The following STAG3 variants were observed in gnomAD, a reference collection of about 807,000 sequenced individuals.
The protein encoded by STAG3 is cohesin subunit SA-3.
A neutral mutation model predicts 160.7 loss-of-function variants in STAG3; 101 were observed. That is an observed-to-expected ratio of 0.63 (90% confidence interval 0.54 to 0.74). The LOEUF (loss-of-function observed/expected upper bound fraction) is 0.74, where lower values mean the gene tolerates loss of function less well. Among genes scored for constraint, STAG3 ranks in the 30% least tolerant of loss-of-function variants. The pLI, the probability that STAG3 is intolerant of heterozygous loss-of-function variation, is 0.00. For synonymous variants in STAG3, 519 were observed against 585.0 expected (o/e 0.89, Z 1.63); for missense variants, 1,188 against 1,517.4 (o/e 0.78, Z 3.61).
chr7:100,198,660 G>C, intron 13 of STAG3, 78 bp downstream of exon 13: 1 of 1,421,002 alleles, frequency 7.0e-7, no homozygotes, highest in Non-Finnish European at 9.9e-7. Flanking sequence ...CCCTACCTAA[G>C]GCTTCCCCAT....
chr7:100,194,368 A>G (rs1800547598), intron 8 of STAG3, among the ~76,000 whole-genome samples: 1 of 152,250 alleles, frequency 6.6e-6, no homozygotes, highest in Admixed American at 6.5e-5. Context: ...CAAGGAATGA[A>G]TAGGGAGGCC....
Position 100,188,506 on chromosome 7 carries a change from C to A in STAG3, c.487C>A (p.His163Asn). Residue 163 changes from histidine (H) to asparagine (N), a missense_variant, in exon 6 of 34, where the codon CAC becomes AAC. His to Asn is a moderately conservative substitution (Grantham distance 68). Around this residue, in one of 4 missense-constraint regions of STAG3, gnomAD observed 296 missense variants for 404.0 expected, o/e 0.73. Transcript: ENST00000615138. Reference protein sequence around the residue: ...KKMSNSEIIQHLTEQFNEDSG... With the variant: ...KKMSNSEIIQNLTEQFNEDSG... ...GATGTCCAACTCAGAGATCATCCAG[C>A]ACCTAACAGAGCAGTTTAATGAGGT... 6.2e-7 allele frequency: 1 copy of A among 1,613,542 alleles called. No homozygotes were observed. The highest frequency in any genetic ancestry group is 8.5e-7 in the Non-Finnish European group (1 of 1,179,430).
At chr7:100,200,740 G>A (rs1562986241) in intron 18 of STAG3, 29 bp from the exon 19 acceptor site, 1 of 1,611,670 alleles carries the variant, frequency 6.2e-7, no homozygotes, top group Non-Finnish European at 8.5e-7. Context: ...CATCCCCACA[G>A]CACACCATCT....
At chr7:100,179,851 T>G (rs1256000787) in intron 1 of STAG3, among the ~76,000 whole-genome samples, 1 of 152,216 alleles carries the variant, frequency 6.6e-6, no homozygotes, top group African/African-American at 2.4e-5. Context: ...TTCTCCTGCC[T>G]CAGCCTCCCA....
chr7:100,182,383 C>T (rs1370156078), intron 3 of STAG3, among the ~76,000 whole-genome samples, 191 bp downstream of exon 3: 1 of 151,300 alleles, frequency 6.6e-6, no homozygotes, highest in Non-Finnish European at 1.5e-5. Context: ...AAAAGAAAAC[C>T]TAAAAGAGGT....
downstream of STAG3, among the ~76,000 whole-genome samples, chr7:100,216,152 C>T (rs1400567924): frequency 1.3e-5 from 2 of 152,122 alleles, no homozygotes; most frequent in African/African-American, 4.8e-5. Flanking sequence ...CTTTTCTGTG[C>T]ACTTTCCAAA....
At chr7:100,201,735 C>T in intron 21 of STAG3, 51 bp from the exon 22 acceptor site, 2 of 1,499,922 alleles carry the variant, frequency 1.3e-6, no homozygotes, top group Non-Finnish European at 1.9e-6. Flanking sequence ...GGCTATCTGT[C>T]TCTCCCTCTC....
At chr7:100,214,575 GAGT>G (rs904488970), downstream of STAG3, among the ~76,000 whole-genome samples, 14 of 152,042 alleles carry the variant, frequency 9.2e-5, no homozygotes, top group African/African-American at 3.4e-4. Context: ...GACTGCCTGT[GAGT>G]AGTTTATCTA....
Position 100,198,095 on chromosome 7 carries a change from G to A in STAG3, c.1173G>A (p.Met391Ile), listed in dbSNP as rs1800809264. 1 of 1,613,956 alleles carries A rather than the reference G, an allele frequency of 6.2e-7. No homozygotes were observed. Among genetic ancestry groups the A allele is most frequent in the East Asian group, 2.2e-5 (1 of 44,888 alleles). Residue 391 changes from methionine to isoleucine, a missense_variant, in exon 12 of 34, where the codon ATG becomes ATA. Physicochemically the swap from Met to Ile is conservative, Grantham distance 10. Coordinates refer to ENST00000615138, the MANE Select transcript of STAG3 (RefSeq NM_001282717.2). The stretch of plus-strand genomic sequence containing the variant: ...CTTTCTCCTTTCTGCAGGACCGGAT[G>A]GTTTCCATGGTCATGGACAGAGAGT... ...ELFTSRFKDRMVSMVMDREYD... is the reference protein window; with the variant it reads ...ELFTSRFKDRIVSMVMDREYD...
At chr7:100,218,489 A>G (rs988269213), downstream of STAG3, 13 of 240,852 alleles carry the variant, frequency 5.4e-5, no homozygotes, top group Non-Finnish European at 9.9e-5. Flanking sequence ...ATATTGAATA[A>G]TTGTTTTAAG....
chr7:100,182,932 T>C, intron 4 of STAG3, 93 bp downstream of exon 4: 1 of 1,394,362 alleles, frequency 7.2e-7, no homozygotes, highest in South Asian at 1.2e-5. Flanking sequence ...GTGAACATTT[T>C]AGTGAGTGTA....
At chr7:100,215,021 C>T (rs1262572551), downstream of STAG3, 1 of 152,108 alleles carries the variant, frequency 6.6e-6, no homozygotes, top group African/African-American at 2.4e-5. Flanking sequence ...CTCAGACAGA[C>T]TTGTTTGCTC....
chr7:100,200,782 TC>T lies in STAG3; in HGVS notation c.1876del (p.Leu626CysfsTer9). The stretch of plus-strand genomic sequence containing the variant: ...TTTTCTTCTCAGCACCTGGAGCTGT[TC>T]CTGCAGCAACTCCAGGAGGTGGTGG... ...TGRLEKHLEL[F>X]LQQLQEVVVK... On this transcript the variant is annotated frameshift_variant, in exon 19 of 34. Coordinates refer to ENST00000615138, the MANE Select transcript of STAG3 (RefSeq NM_001282717.2). LOFTEE classifies it high-confidence loss of function. 1 of 1,614,182 alleles carries T rather than the reference TC, an allele frequency of 6.2e-7. No homozygotes were observed. The highest frequency in any genetic ancestry group is 8.5e-7 in the Non-Finnish European group (1 of 1,180,024).
intron 29 of STAG3, among the ~76,000 whole-genome samples, chr7:100,209,193 TACAC>T (rs1801941269): frequency 6.6e-6 from 1 of 152,220 alleles, no homozygotes; most frequent in African/African-American, 2.4e-5. Flanking sequence ...GCTCCTAGGT[TACAC>T]ACAACACTTT....
rs180707328 is a variant in STAG3 at position 100,185,637 on chromosome 7, A to T, written c.337-563A>T. 1.3e-4 allele frequency among the ~76,000 whole-genome samples: 19 copies of T among 151,886 alleles called. No individual in the cohort carries two copies. In the East Asian group the frequency reaches 3.5e-3, roughly 28 times the overall value. ...AAAAAGGAAAAGAAAAAAAAAGATT[A>T]TTCTGATTATTCTGATCATGTATGT... is the stretch of plus-strand genomic sequence containing the variant. On this transcript the variant is annotated intron_variant, in intron 4 of 33. Transcript: ENST00000615138.
chr7:100,186,193 T>C lies in STAG3; in HGVS notation c.337-7T>C, dbSNP rs751958774. On this transcript the variant is annotated splice_region_variant and splice_polypyrimidine_tract_variant and intron_variant, in intron 4 of 33. Transcript: ENST00000615138. ...AAACAGAAGTCATCTACATTTTTTTTCCCTAGTCTTTGGTAGATGAGTGGC... is the reference window on the plus strand; with the variant it reads ...AAACAGAAGTCATCTACATTTTTTTCCCCTAGTCTTTGGTAGATGAGTGGC... 28 of 1,612,280 alleles carry C rather than the reference T, an allele frequency of 1.7e-5. No homozygotes were observed. Among genetic ancestry groups the C allele is most frequent in the African/African-American group, 5.3e-5 (4 of 74,888 alleles).
At position 100,199,581 on chromosome 7, in the gene STAG3, T is replaced by G; in HGVS notation, c.1614T>G (p.Leu538=). The stretch of plus-strand genomic sequence containing the variant: ...AGGAGAGCACACTGATAGAAATCCT[T>G]GTGTCCAGTGCCCGGCAAGCTTCAG... The part of the protein sequence containing the change: ...DVQESTLIEI[L]VSSARQASEG... The change falls in exon 16 of 34, where the codon CTT becomes CTG. Residue 538 remains leucine (L), a synonymous_variant. Coordinates refer to ENST00000615138, the MANE Select transcript of STAG3 (RefSeq NM_001282717.2). 1 of 1,602,240 alleles carries G rather than the reference T, an allele frequency of 6.2e-7. No homozygotes were observed.
Position 100,198,597 on chromosome 7 carries a change from T to A in STAG3, c.1352+15T>A. 1 of 1,608,290 alleles carries A rather than the reference T, an allele frequency of 6.2e-7. No homozygotes were observed. The highest frequency in any genetic ancestry group is 8.5e-7 in the Non-Finnish European group (1 of 1,175,512). ...CTGTACTGGAAGTGAGTGGGGCTCC[T>A]TTTATGTTTCTTTAACACCACGCTC... is the stretch of plus-strand genomic sequence containing the variant. On this transcript the variant is annotated intron_variant, in intron 13 of 33. Coordinates refer to ENST00000615138, the MANE Select transcript of STAG3 (RefSeq NM_001282717.2).
At chr7:100,217,767 A>G (rs1197315224), downstream of STAG3, among the ~76,000 whole-genome samples, 6 of 152,270 alleles carry the variant, frequency 3.9e-5, no homozygotes, top group East Asian at 1.9e-4. Context: ...GACAGCTTAC[A>G]TCATTACTTC....
Sources: gnomAD v4.1 joint callset for allele counts (sites outside exome capture counted in the v4.1 genomes callset) on GRCh38, gnomAD v4.1.1 for gene constraint, gnomAD v4.1.1 regional missense constraint, MANE v1.5 for transcripts, NCBI Gene and HGNC (gene_info 2026-07-23, HGNC 2026-07-21) for gene names.